The following DLGAP2 variants were observed in gnomAD, a reference collection of about 807,000 sequenced individuals.
DLGAP2 encodes disks large-associated protein 2.
DLGAP2 carries 26 observed loss-of-function variants against 100.3 expected under a neutral mutation model. The observed-to-expected ratio is 0.26, with a 90% CI of 0.19 to 0.36. DLGAP2 has a LOEUF of 0.36. Ranked by LOEUF, DLGAP2 falls within the 10% of genes least tolerant of loss-of-function variation. The pLI, the probability that DLGAP2 is intolerant of heterozygous loss-of-function variation, is 1.00. For missense variants in DLGAP2, 1,858 were observed against 1,453.2 expected, an observed-to-expected ratio of 1.28 and a Z score of -4.53; for synonymous variants, 886 against 630.1, an observed-to-expected ratio of 1.41 and a Z score of -6.08.
At position 951,819 on chromosome 8, in the gene DLGAP2, G is replaced by C. The variant is rs150753633; in HGVS notation, c.73+43853G>C. Among the ~76,000 whole-genome samples, 4 of 152,118 alleles carry C rather than the reference G, an allele frequency of 2.6e-5. No individual in the cohort carries two copies. In the South Asian group the frequency reaches 6.2e-4, roughly 24 times the overall value. On this transcript the variant is annotated intron_variant, in intron 2 of 14. Transcript: ENST00000637795. Reference sequence around the variant, plus strand: ...ACTAATGACCTTAGTGGCTAAAGGCGGTCTCAAATCCATGTTTATCTTACC... The same window carrying C: ...ACTAATGACCTTAGTGGCTAAAGGCCGTCTCAAATCCATGTTTATCTTACC...
chr8:1,327,876 A>G (rs1801058509), intron 3 of DLGAP2, among the ~76,000 whole-genome samples: 1 of 152,170 alleles, frequency 6.6e-6, no homozygotes, highest in Non-Finnish European at 1.5e-5. Context: ...ACGTGCTTGT[A>G]AATGAATCCA....
At chr8:1,355,099 G>C (rs541179993) in intron 3 of DLGAP2, among the ~76,000 whole-genome samples, 1 of 152,238 alleles carries the variant, frequency 6.6e-6, no homozygotes, top group Non-Finnish European at 1.5e-5. Context: ...TTCTGTGGAT[G>C]AAGGTGGAAA....
intron 3 of DLGAP2, among the ~76,000 whole-genome samples, chr8:1,479,158 C>T (rs749707697): frequency 2.0e-5 from 3 of 152,248 alleles, no homozygotes; most frequent in Non-Finnish European, 2.9e-5. Context: ...AGTGTTTCTT[C>T]AGCGGCCTTG....
At chr8:848,082 A>AC (rs1399957484) in intron 1 of DLGAP2, among the ~76,000 whole-genome samples, 2 of 152,144 alleles carry the variant, frequency 1.3e-5, no homozygotes, top group African/African-American at 4.8e-5. Context: ...AGCCACAGGC[A>AC]CCTGCCTGCC....
chr8:1,254,538 G>A (rs1405538449), intron 2 of DLGAP2, among the ~76,000 whole-genome samples: 1 of 152,136 alleles, frequency 6.6e-6, no homozygotes, highest in African/African-American at 2.4e-5. Context: ...CGCGATCATT[G>A]GCAGCACTGA....
intron 1 of DLGAP2, among the ~76,000 whole-genome samples, chr8:813,052 G>GT (rs1796400239): frequency 6.6e-6 from 1 of 152,066 alleles, no homozygotes; most frequent in Non-Finnish European, 1.5e-5. Flanking sequence ...TAATACCCCG[G>GT]TATGCTTTGC....
chr8:1,425,751 C>G (rs1385750987), intron 3 of DLGAP2, among the ~76,000 whole-genome samples: 2 of 152,118 alleles, frequency 1.3e-5, no homozygotes, highest in African/African-American at 2.4e-5. Flanking sequence ...GTCTGTGCAC[C>G]ATTAAAAAAA....
chr8:1,220,839 T>C (rs1309278862), intron 2 of DLGAP2, among the ~76,000 whole-genome samples: 2 of 151,544 alleles, frequency 1.3e-5, no homozygotes, highest in Admixed American at 6.6e-5. Flanking sequence ...GAATTGAACC[T>C]TTTATCATTA....
chr8:1,571,486 T>A (rs1344244315), intron 6 of DLGAP2, among the ~76,000 whole-genome samples: 3 of 117,494 alleles, frequency 2.6e-5, no homozygotes, highest in Non-Finnish European at 3.4e-5. Context: ...TCTGATGAGA[T>A]GGAGAGGAGA....
intron 4 of DLGAP2, among the ~76,000 whole-genome samples, chr8:1,503,585 G>A (rs973232794): frequency 6.6e-6 from 1 of 152,078 alleles, no homozygotes; most frequent in Non-Finnish European, 1.5e-5. Context: ...ACGGAGTGCA[G>A]CTCTCTCTCC....
intron 2 of DLGAP2, among the ~76,000 whole-genome samples, chr8:1,251,419 C>G (rs777659973): frequency 1.3e-5 from 2 of 152,146 alleles, no homozygotes; most frequent in Non-Finnish European, 2.9e-5. Context: ...AGATAAGATT[C>G]CATAGCATCC....
intron 2 of DLGAP2, among the ~76,000 whole-genome samples, chr8:943,750 C>A (rs933626751): frequency 6.6e-6 from 1 of 152,264 alleles, no homozygotes; most frequent in Non-Finnish European, 1.5e-5. Context: ...GCGAGAACCG[C>A]TCTGTACACG....
Position 849,019 on chromosome 8 carries a change from T to C in DLGAP2, c.19-58893T>C, listed in dbSNP as rs144427381. On this transcript the variant is annotated intron_variant, in intron 1 of 14. Transcript: ENST00000637795. ...TAGGATCGTGAGGTGCCTGTTCCAG[T>C]ATAGGAATGTGCGGTGCCTGTTCCA... is the stretch of plus-strand genomic sequence containing the variant. Among the ~76,000 whole-genome samples the C allele has an allele frequency of 6.4e-3, 969 of 151,230 alleles. 3 individuals carry two copies. Among genetic ancestry groups the C allele is most frequent in the African/African-American group, 8.1e-3 (335 of 41,184 alleles).
intron 3 of DLGAP2, among the ~76,000 whole-genome samples, chr8:1,280,220 T>G (rs1406024500): frequency 6.6e-6 from 1 of 152,172 alleles, no homozygotes; most frequent in Non-Finnish European, 1.5e-5. Flanking sequence ...CATCAGCCAA[T>G]TTGATTGATC....
chr8:849,636 C>A (rs1797143446), intron 1 of DLGAP2, among the ~76,000 whole-genome samples: 1 of 152,162 alleles, frequency 6.6e-6, no homozygotes, highest in African/African-American at 2.4e-5. Context: ...AATGGTCTCC[C>A]AGCCGTCCTA....
At chr8:1,417,957 G>A (rs571115329) in intron 3 of DLGAP2, among the ~76,000 whole-genome samples, 41 of 151,066 alleles carry the variant, frequency 2.7e-4, no homozygotes, top group African/African-American at 9.9e-4. Context: ...TTCGTCTGTC[G>A]TGAAAAAAAA....
rs554794860 is a variant in DLGAP2 at position 1,104,752 on chromosome 8, C to G, written c.74-154099C>G. The G allele has an allele frequency of 5.9e-5, 9 of 152,464 alleles. No individual in the cohort carries two copies. The South Asian group carries it at 1.2e-3, about 21-fold the overall frequency. The allele number at this position is 152,464 out of a possible 1,614,324, so 9.4% of individuals were successfully genotyped here. Reference sequence around the variant, plus strand: ...GGCTGCCACCTCCTTCCCCAGTTTGCTCCTGTGCCCGAGGCCTGTCAGCGA... The same window carrying G: ...GGCTGCCACCTCCTTCCCCAGTTTGGTCCTGTGCCCGAGGCCTGTCAGCGA... On this transcript the variant is annotated intron_variant, in intron 2 of 14. Coordinates refer to ENST00000637795, the MANE Select transcript of DLGAP2 (RefSeq NM_001346810.2).
At chr8:1,158,657 G>T (rs965802005) in intron 2 of DLGAP2, among the ~76,000 whole-genome samples, 3 of 152,220 alleles carry the variant, frequency 2.0e-5, no homozygotes, top group Non-Finnish European at 4.4e-5. Context: ...GCAGACGGCC[G>T]TTGCACTCTG....
chr8:915,884 A>C (rs11779673), intron 2 of DLGAP2, among the ~76,000 whole-genome samples: 1 of 132,422 alleles, frequency 7.6e-6, no homozygotes, highest in East Asian at 2.4e-4. Context: ...GTCCCAGGGC[A>C]TGGTTTCCGT....
Sources: gnomAD v4.1 joint callset for allele counts (sites outside exome capture counted in the v4.1 genomes callset) on GRCh38, gnomAD v4.1.1 for gene constraint, MANE v1.5 for transcripts, NCBI Gene and HGNC (gene_info 2026-07-23, HGNC 2026-07-21) for gene names.